The following TICAM1 variants were observed in gnomAD, a reference collection of about 807,000 sequenced individuals.
TICAM1 encodes TIR domain containing adaptor molecule 1.
For synonymous variants in TICAM1, 439 were observed against 415.4 expected (o/e 1.06, Z -0.69); for missense variants, 895 against 938.2 (o/e 0.95, Z 0.60).
At chr19:4,828,227 G>T (rs983767925) in intron 1 of TICAM1, among the ~76,000 whole-genome samples, 1 of 151,436 alleles carries the variant, frequency 6.6e-6, no homozygotes, top group Non-Finnish European at 1.5e-5. Context: ...CCGTTCTCCT[G>T]CCTCAGCCTC....
In TICAM1 at chr19:4,818,373, G is replaced by C. The variant is rs1242807777; in HGVS notation, c.5C>G (p.Ala2Gly). 5.7e-6 allele frequency: 9 copies of C among 1,590,066 alleles called. No homozygotes were observed. Among genetic ancestry groups the C allele is most frequent in the Non-Finnish European group, 7.7e-6 (9 of 1,168,218 alleles). Residue 2 changes from alanine (A) to glycine (G), a missense_variant, in exon 2 of 2, where the codon GCC (alanine) becomes GGC (glycine). Transcript: ENST00000248244. The surrounding 1 kb of genome is among the most constrained non-coding windows in gnomAD (Gnocchi z 4.0). M[A>G]CTGPSLPSAF... The stretch of plus-strand genomic sequence containing the variant: ...GCTAGGAAGTGATGGGCCTGTGCAG[G>C]CCATGGGCACAGGTGGGTGCAGCCT...
intron 1 of TICAM1, among the ~76,000 whole-genome samples, chr19:4,829,000 A>G (rs1239631574): frequency 6.6e-6 from 1 of 151,638 alleles, no homozygotes; most frequent in Non-Finnish European, 1.5e-5. Flanking sequence ...ACGCCCTGCT[A>G]GTTTTTGTAA....
rs775366110 is a variant in TICAM1 at position 4,818,004 on chromosome 19, A to T, written c.374T>A (p.Leu125His). 1 of 1,612,386 alleles carries T rather than the reference A, an allele frequency of 6.2e-7. No individual in the cohort carries two copies. The highest frequency in any genetic ancestry group is 8.5e-7 in the Non-Finnish European group (1 of 1,179,914). Reference sequence around the variant, plus strand: ...CAGCCGGTGGTCGTCCCTGGAGCTGAGGGTGCGGACGGCTTCCTGGTAGGC... The same window carrying T: ...CAGCCGGTGGTCGTCCCTGGAGCTGTGGGTGCGGACGGCTTCCTGGTAGGC... ...DVAYQEAVRT[L>H]SSRDDHRLGE... The change falls in exon 2 of 2, where the codon CTC becomes CAC. Residue 125 changes from leucine to histidine, a missense_variant. By Grantham distance (99) the Leu-to-His change is moderately conservative. Coordinates refer to ENST00000248244, the MANE Select transcript of TICAM1 (RefSeq NM_182919.4). The surrounding 1 kb of genome is among the most constrained non-coding windows in gnomAD (Gnocchi z 4.0).
Position 4,816,941 on chromosome 19 carries a change from T to A in TICAM1, c.1437A>T (p.Arg479=). 1.2e-6 allele frequency: 2 copies of A among 1,613,960 alleles called. No homozygotes were observed. The highest frequency in any genetic ancestry group is 2.2e-5 in the South Asian group (2 of 91,088). The change falls in exon 2 of 2, where the codon CGA becomes CGT. Residue 479 remains arginine (R), a synonymous_variant. Coordinates refer to ENST00000248244, the MANE Select transcript of TICAM1 (RefSeq NM_182919.4). This position sits in a 1 kb window ranked among gnomAD's most constrained non-coding sequence, Gnocchi z 4.3. The stretch of plus-strand genomic sequence containing the variant: ...GGATGACACAGTCTGGCGACCCCTG[T>A]CGCGTGAGGTTGCTCATCATGGCTT... ...VNQAMMSNLT[R]QGSPDCVIPF...
At position 4,821,721 on chromosome 19, in the gene TICAM1, C is replaced by T. The variant is rs1212908010; in HGVS notation, c.-139-3205G>A. On this transcript the variant is annotated intron_variant, in intron 1 of 1. Coordinates refer to ENST00000248244, the MANE Select transcript of TICAM1 (RefSeq NM_182919.4). ...GTGCAATGGCACGATCTCGGCTCAC[C>T]GCAACCTCCGCCTCCCGGGTTCTAG... 4.0e-5 allele frequency among the ~76,000 whole-genome samples: 6 copies of T among 151,410 alleles called. No homozygotes were observed. In the East Asian group the frequency reaches 5.8e-4, roughly 15 times the overall value.
Position 4,819,678 on chromosome 19 carries a change from G to T in TICAM1, c.-139-1162C>A, listed in dbSNP as rs552430031. Reference sequence around the variant, plus strand: ...ACCTGAGGTCAGGAGTTCAAGACCAGCCTGGCCAACATGGTGAAACCCCAT... The same window carrying T: ...ACCTGAGGTCAGGAGTTCAAGACCATCCTGGCCAACATGGTGAAACCCCAT... On this transcript the variant is annotated intron_variant, in intron 1 of 1. Coordinates refer to ENST00000248244, the MANE Select transcript of TICAM1 (RefSeq NM_182919.4). 2.0e-5 allele frequency among the ~76,000 whole-genome samples: 3 copies of T among 152,232 alleles called. No individual in the cohort carries two copies. The South Asian group carries it at 6.2e-4, about 32-fold the overall frequency.
Position 4,817,276 on chromosome 19 carries a change from A to G in TICAM1, c.1102T>C (p.Ser368Pro), listed in dbSNP as rs1028603882. ...AGGTGAGCTGAACAAGGAGTAGATG[A>G]AGGAGGAGGAGGAGGAGGAGGAGGG... The part of the protein sequence containing the change: ...TSPPPPPPPP[S>P]STPCSAHLTP... The change falls in exon 2 of 2, where the codon TCA becomes CCA. Residue 368 changes from serine (S) to proline (P), a missense_variant. Coordinates refer to ENST00000248244, the MANE Select transcript of TICAM1 (RefSeq NM_182919.4). This position sits in a 1 kb window ranked among gnomAD's most constrained non-coding sequence, Gnocchi z 4.7. 50 of 1,603,148 alleles carry G rather than the reference A, an allele frequency of 3.1e-5. No individual in the cohort carries two copies. The East Asian group carries it at 1.0e-3, about 32-fold the overall frequency.
At position 4,817,632 on chromosome 19, in the gene TICAM1, T is replaced by C. The variant is rs1195951951; in HGVS notation, c.746A>G (p.Glu249Gly). The C allele has an allele frequency of 2.5e-6, 4 of 1,587,440 alleles. No homozygotes were observed. The highest frequency in any genetic ancestry group is 2.6e-6 in the Non-Finnish European group (3 of 1,166,840). The stretch of plus-strand genomic sequence containing the variant: ...TGGCGGCCAGCTCATCTCCTCAGGC[T>C]CCTGGCAGCCACCGGGGACAGGCTC... ...VPEPVPGGCQEPEEMSWPPSG... is the reference protein window; with the variant it reads ...VPEPVPGGCQGPEEMSWPPSG... The change falls in exon 2 of 2, where the codon GAG becomes GGG. Residue 249 changes from glutamate (E) to glycine (G), a missense_variant. Glu to Gly is a moderately conservative substitution (Grantham distance 98, BLOSUM62 -2). Transcript: ENST00000248244. The surrounding 1 kb of genome is among the most constrained non-coding windows in gnomAD (Gnocchi z 4.7).
In TICAM1 at chr19:4,828,389, AC is replaced by A. The variant is rs200982841; in HGVS notation, c.-140+3224del. On this transcript the variant is annotated intron_variant, in intron 1 of 1. Coordinates refer to ENST00000248244, the MANE Select transcript of TICAM1 (RefSeq NM_182919.4). ...GTAGCTGGGACTACAGGCACATGCCACCATGCCCAGCTAATTATTAATGTTT... is the reference window on the plus strand; with the variant it reads ...GTAGCTGGGACTACAGGCACATGCCACATGCCCAGCTAATTATTAATGTTT... Among the ~76,000 whole-genome samples, 1,047 of 151,866 alleles carry A rather than the reference AC, an allele frequency of 6.9e-3. 8 individuals are homozygous for A. The highest frequency in any genetic ancestry group is 0.024 in the African/African-American group (998 of 41,406).
rs771453047 is a variant in TICAM1, at chr19:4,817,633, C to G, written c.745G>C (p.Glu249Gln). 11 of 1,586,676 alleles carry G rather than the reference C, an allele frequency of 6.9e-6. No individual in the cohort carries two copies. The highest frequency in any genetic ancestry group is 8.6e-7 in the Non-Finnish European group (1 of 1,166,478). ...VPEPVPGGCQ[E>Q]PEEMSWPPSG... ...GGCGGCCAGCTCATCTCCTCAGGCT[C>G]CTGGCAGCCACCGGGGACAGGCTCG... is the stretch of plus-strand genomic sequence containing the variant. The change falls in exon 2 of 2, where the codon GAG (glutamate) becomes CAG (glutamine). Residue 249 changes from glutamate (E) to glutamine (Q), a missense_variant. Physicochemically the swap from Glu to Gln is conservative, Grantham distance 29. Coordinates refer to ENST00000248244, the MANE Select transcript of TICAM1 (RefSeq NM_182919.4). The surrounding 1 kb of genome is among the most constrained non-coding windows in gnomAD (Gnocchi z 4.7).
intron 1 of TICAM1, among the ~76,000 whole-genome samples, chr19:4,824,626 C>G (rs2093602907): frequency 6.6e-6 from 1 of 150,470 alleles, no homozygotes; most frequent in Non-Finnish European, 1.5e-5. Flanking sequence ...TGAGCCACCG[C>G]AGGACACAAA....
At chr19:4,827,715 G>A (rs931623363) in intron 1 of TICAM1, among the ~76,000 whole-genome samples, 1 of 148,240 alleles carries the variant, frequency 6.7e-6, no homozygotes. Context: ...CCGAGTTGGT[G>A]CCACTGCACT....
chr19:4,816,495 G>T lies in TICAM1; in HGVS notation c.1883C>A (p.Pro628Gln). 1 of 1,574,574 alleles carries T rather than the reference G, an allele frequency of 6.4e-7. No individual in the cohort carries two copies. ...PPPFPTWPGC[P>Q]QPPPLHAWQA... is the part of the protein sequence containing the mutation. ...CCATGCGTGCAGGGGTGGCGGCTGC[G>T]GGCACCCCGGCCAAGTGGGAAAGGG... Residue 628 changes from proline (P) to glutamine (Q), a missense_variant, in exon 2 of 2, where the codon CCG becomes CAG. Transcript: ENST00000248244. The surrounding 1 kb of genome is among the most constrained non-coding windows in gnomAD (Gnocchi z 4.3).
At position 4,819,869 on chromosome 19, in the gene TICAM1, C is replaced by T. The variant is rs559101770; in HGVS notation, c.-139-1353G>A. 6.6e-4 allele frequency among the ~76,000 whole-genome samples: 97 copies of T among 146,890 alleles called. 1 individual carries two copies. The South Asian group carries it at 0.021, about 31-fold the overall frequency. ...CAGCCTGGGCAACAAGAGCGAAACC[C>T]CGTCTCAATAAATAAATAAATAGTC... On this transcript the variant is annotated intron_variant, in intron 1 of 1. Coordinates refer to ENST00000248244, the MANE Select transcript of TICAM1 (RefSeq NM_182919.4).
In TICAM1 at chr19:4,817,102, T is replaced by C. The variant is rs995707106; in HGVS notation, c.1276A>G (p.Thr426Ala). 19 of 1,613,948 alleles carry C rather than the reference T, an allele frequency of 1.2e-5. No homozygotes were observed. The highest frequency in any genetic ancestry group is 1.6e-4 in the Middle Eastern group (1 of 6,084). ...LEALGVPDGA[T>A]FCEDFQVPGR... ...GGCACCTGGAAATCCTCGCAGAAGG[T>C]GGCCCCGTCGGGCACGCCAAGGGCC... Residue 426 changes from threonine (T) to alanine (A), a missense_variant, in exon 2 of 2, where the codon ACC becomes GCC. By Grantham distance (58) the Thr-to-Ala change is moderately conservative. Coordinates refer to ENST00000248244, the MANE Select transcript of TICAM1 (RefSeq NM_182919.4). The surrounding 1 kb of genome is among the most constrained non-coding windows in gnomAD (Gnocchi z 4.7).
chr19:4,817,642 C>A lies in TICAM1; in HGVS notation c.736G>T (p.Gly246Cys). 6.3e-7 allele frequency: 1 copy of A among 1,583,924 alleles called. No individual in the cohort carries two copies. The highest frequency in any genetic ancestry group is 8.6e-7 in the Non-Finnish European group (1 of 1,164,956). ...CTCATCTCCTCAGGCTCCTGGCAGC[C>A]ACCGGGGACAGGCTCGGGCACCAAG... ...ASLVPEPVPGGCQEPEEMSWP... is the reference protein window; with the variant it reads ...ASLVPEPVPGCCQEPEEMSWP... The change falls in exon 2 of 2, where the codon GGC becomes TGC. Residue 246 changes from glycine to cysteine, a missense_variant. Coordinates refer to ENST00000248244, the MANE Select transcript of TICAM1 (RefSeq NM_182919.4). This position sits in a 1 kb window ranked among gnomAD's most constrained non-coding sequence, Gnocchi z 4.7.
At chr19:4,829,800 CATTTCT>C (rs1197760013) in intron 1 of TICAM1, among the ~76,000 whole-genome samples, 3 of 133,746 alleles carry the variant, frequency 2.2e-5, no homozygotes, top group Admixed American at 8.1e-5. Flanking sequence ...TTTTTAATTT[CATTTCT>C]TTTTTTTTTT....
In TICAM1 at chr19:4,816,248, C is replaced by T; in HGVS notation, c.2130G>A (p.Glu710=). 6.6e-7 allele frequency: 1 copy of T among 1,509,442 alleles called. No individual in the cohort carries two copies. The highest frequency in any genetic ancestry group is 8.8e-7 in the Non-Finnish European group (1 of 1,131,132). 93.5% of individuals were successfully genotyped at this position (1,509,442 alleles called of 1,614,324 possible). ...AGGCAAGGACACGCGGTCATTCTGC[C>T]TCCTGCGTCTTGTCCTCGGGCGCCT... ...GSQAPEDKTQ[E]AE Residue 710 remains glutamate (E), a synonymous_variant, in exon 2 of 2, where the codon GAG becomes GAA. Transcript: ENST00000248244. The surrounding 1 kb of genome is among the most constrained non-coding windows in gnomAD (Gnocchi z 4.3).
At chr19:4,825,139 G>T (rs1405871524) in intron 1 of TICAM1, among the ~76,000 whole-genome samples, 1 of 151,950 alleles carries the variant, frequency 6.6e-6, no homozygotes, top group Admixed American at 6.6e-5. Flanking sequence ...AATTAGCCGG[G>T]TGTGGCAGTG....
Sources: allele counts gnomAD v4.1 joint callset (sites outside exome capture counted in the v4.1 genomes callset), GRCh38; gene constraint gnomAD v4.1.1; non-coding constraint Gnocchi (gnomAD v3.1); transcripts MANE v1.5; gene names NCBI Gene and HGNC (gene_info 2026-07-23, HGNC 2026-07-21).